NTM: variants seen among roughly 807,000 people sequenced by gnomAD.
The protein encoded by NTM is neurotrimin.
Under a neutral mutation model 42.1 loss-of-function variants are expected in NTM, and 13 were observed. The observed-to-expected ratio is 0.31, with a 90% CI of 0.20 to 0.49. The LOEUF (loss-of-function observed/expected upper bound fraction) is 0.49. Among genes scored for constraint, NTM ranks in the 20% least tolerant of loss-of-function variants. The pLI is 0.99. For missense variants in NTM, 373 were observed against 452.8 expected, an observed-to-expected ratio of 0.82 and a Z score of 1.60; for synonymous variants, 187 against 179.2, an observed-to-expected ratio of 1.04 and a Z score of -0.35.
At chr11:132,261,006 T>G (rs2092815287) in intron 4 of NTM, among the ~76,000 whole-genome samples, 2 of 151,664 alleles carry the variant, frequency 1.3e-5, no homozygotes, top group African/African-American at 4.8e-5. Context: ...TGCTTAGGAG[T>G]CGAAGGATTT....
chr11:131,710,210 C>T (rs1358036832), intron 1 of NTM, among the ~76,000 whole-genome samples: 2 of 152,148 alleles, frequency 1.3e-5, no homozygotes, highest in African/African-American at 4.8e-5. Flanking sequence ...CTTTCTATGG[C>T]CTCTATCTTC....
chr11:132,173,953 A>G (rs2076437730), intron 3 of NTM, among the ~76,000 whole-genome samples: 1 of 152,180 alleles, frequency 6.6e-6, no homozygotes, highest in Non-Finnish European at 1.5e-5. Flanking sequence ...CCAGTTCAGA[A>G]CACTTTAGCC....
At chr11:131,870,345 A>C (rs2047654171) in intron 1 of NTM, among the ~76,000 whole-genome samples, 1 of 152,236 alleles carries the variant, frequency 6.6e-6, no homozygotes, top group Non-Finnish European at 1.5e-5. Context: ...TTGCAAATGA[A>C]ATAGCACACT....
intron 1 of NTM, among the ~76,000 whole-genome samples, chr11:131,873,095 A>G (rs981062053): frequency 1.3e-5 from 2 of 152,216 alleles, no homozygotes; most frequent in Admixed American, 6.5e-5. Context: ...TACAATAGCA[A>G]AGACTTGGAA....
chr11:131,879,761 A>T (rs186222283), intron 1 of NTM, among the ~76,000 whole-genome samples: 5 of 152,244 alleles, frequency 3.3e-5, no homozygotes, highest in Admixed American at 1.3e-4. Flanking sequence ...TCCTTGGCTC[A>T]AGCTGTGGCT....
At chr11:131,851,094 AT>A (rs1418434798) in intron 1 of NTM, among the ~76,000 whole-genome samples, 9 of 152,178 alleles carry the variant, frequency 5.9e-5, no homozygotes, top group African/African-American at 2.2e-4. Context: ...AAAATTTGTC[AT>A]GGTCAGCTAG....
chr11:131,489,291 A>T (rs1954518423), intron 1 of NTM, among the ~76,000 whole-genome samples: 1 of 152,132 alleles, frequency 6.6e-6, no homozygotes, highest in African/African-American at 2.4e-5. Flanking sequence ...TTCCCCGTAG[A>T]AAGCTTGTGA....
chr11:132,096,531 A>G (rs1259245397), intron 2 of NTM, among the ~76,000 whole-genome samples: 1 of 152,166 alleles, frequency 6.6e-6, no homozygotes, highest in Non-Finnish European at 1.5e-5. Context: ...AGTATTACTT[A>G]TAATATTCGC....
intron 2 of NTM, among the ~76,000 whole-genome samples, chr11:132,069,352 G>A (rs1481297225): frequency 4.3e-5 from 6 of 140,368 alleles, no homozygotes; most frequent in African/African-American, 1.4e-4. Context: ...AAGTTAACAC[G>A]TCACACTGAC....
intron 2 of NTM, among the ~76,000 whole-genome samples, chr11:132,036,893 G>A (rs1282757308): frequency 6.6e-6 from 1 of 152,184 alleles, no homozygotes; most frequent in East Asian, 1.9e-4. Flanking sequence ...CTATTAGAAA[G>A]TGTGGCATCC....
intron 1 of NTM, among the ~76,000 whole-genome samples, chr11:131,486,992 A>G (rs1288653307): frequency 6.6e-6 from 1 of 152,162 alleles, no homozygotes; most frequent in Non-Finnish European, 1.5e-5. Flanking sequence ...TACTCTTTGT[A>G]ATGCCACCAG....
At chr11:131,421,013 A>G (rs1034731277) in intron 1 of NTM, among the ~76,000 whole-genome samples, 6 of 151,920 alleles carry the variant, frequency 3.9e-5, no homozygotes, top group African/African-American at 1.5e-4. Context: ...CTTCATCCCA[A>G]GCAGATGGAG....
chr11:131,756,427 G>A (rs1359314650), intron 1 of NTM, among the ~76,000 whole-genome samples: 1 of 151,966 alleles, frequency 6.6e-6, no homozygotes, highest in African/African-American at 2.4e-5. Context: ...GGGAGGCTGA[G>A]GCAGGTCAAT....
intron 1 of NTM, among the ~76,000 whole-genome samples, chr11:131,482,392 A>G (rs565846864): frequency 2.4e-4 from 36 of 152,366 alleles, no homozygotes; most frequent in African/African-American, 6.5e-4. Flanking sequence ...TACATCATGC[A>G]TATTCATGGG....
At chr11:131,871,528 T>C (rs1369940799) in intron 1 of NTM, among the ~76,000 whole-genome samples, 2 of 152,262 alleles carry the variant, frequency 1.3e-5, no homozygotes, top group Non-Finnish European at 2.9e-5. Flanking sequence ...GATACAACTA[T>C]AGCTATTAGC....
At chr11:132,315,671 C>A (rs2095410038) in intron 7 of NTM, among the ~76,000 whole-genome samples, 1 of 152,164 alleles carries the variant, frequency 6.6e-6, no homozygotes, top group Non-Finnish European at 1.5e-5. Flanking sequence ...CAGCCATGTG[C>A]CCTCGGTGCT....
At chr11:132,285,622 G>T (rs977624844) in intron 4 of NTM, among the ~76,000 whole-genome samples, 2 of 152,096 alleles carry the variant, frequency 1.3e-5, no homozygotes, top group Non-Finnish European at 2.9e-5. Flanking sequence ...TTTTCTCCAT[G>T]AGTTATATTC....
chr11:131,597,913 C>T (rs1192031981), intron 1 of NTM, among the ~76,000 whole-genome samples: 2 of 152,256 alleles, frequency 1.3e-5, no homozygotes, highest in African/African-American at 4.8e-5. Context: ...ATCAGGAGTC[C>T]ATAGCCCATT....
chr11:131,934,253 A>C (rs1425772441), intron 2 of NTM, among the ~76,000 whole-genome samples: 1 of 152,184 alleles, frequency 6.6e-6, no homozygotes, highest in Non-Finnish European at 1.5e-5. Context: ...TAACCCATTG[A>C]GAACGTTATT....
Sources: gnomAD v4.1 joint callset for allele counts (sites outside exome capture counted in the v4.1 genomes callset) on GRCh38, gnomAD v4.1.1 for gene constraint, MANE v1.5 for transcripts, NCBI Gene and HGNC (gene_info 2026-07-23, HGNC 2026-07-21) for gene names.